Variants in BAZ2B observed in about 807,000 individuals in gnomAD.
BAZ2B encodes the protein bromodomain adjacent to zinc finger domain 2B.
BAZ2B carries 91 observed loss-of-function variants against 246.0 expected under a neutral mutation model. The observed-to-expected ratio is 0.37, with a 90% CI of 0.31 to 0.44. The LOEUF (loss-of-function observed/expected upper bound fraction) is 0.44, where lower values mean the gene tolerates loss of function less well. BAZ2B is among the 20% of genes least tolerant of loss of function. BAZ2B has a pLI of 1.00. For missense variants in BAZ2B, 2,332 were observed against 2,533.7 expected, an observed-to-expected ratio of 0.92 and a Z score of 1.71; for synonymous variants, 855 against 860.0, an observed-to-expected ratio of 0.99 and a Z score of 0.10.
chr2:159,462,924 T>G lies in BAZ2B; in HGVS notation c.146-9123A>C. The G allele has an allele frequency of 2.0e-6, 3 of 1,490,340 alleles. No individual in the cohort carries two copies. In the East Asian group the frequency reaches 6.8e-5, roughly 34 times the overall value. 92.3% of individuals were successfully genotyped at this position (1,490,340 alleles called of 1,614,324 possible). On this transcript the variant is annotated intron_variant, in intron 3 of 36. Transcript: ENST00000392783. Reference sequence around the variant, plus strand: ...AGACTTCAGACCTCCATCTACTTGTTTTGGCTGGGGGTCACTTGCTTTTTT... The same window carrying G: ...AGACTTCAGACCTCCATCTACTTGTGTTGGCTGGGGGTCACTTGCTTTTTT...
At chr2:159,480,768 G>C (rs181135396) in intron 2 of BAZ2B, among the ~76,000 whole-genome samples, 3 of 151,804 alleles carry the variant, frequency 2.0e-5, no homozygotes, top group African/African-American at 7.2e-5. Context: ...TTCTATATCT[G>C]GTTCTTTTTG....
At chr2:159,390,028 C>T (rs13401879) in intron 20 of BAZ2B, among the ~76,000 whole-genome samples, 64,291 of 151,886 alleles carry the variant, frequency 0.42, 13,738 homozygotes, top group South Asian at 0.57. Flanking sequence ...AAATAACTGA[C>T]TTGTCTCTCT....
intron 3 of BAZ2B, chr2:159,462,716 G>T: frequency 7.1e-7 from 1 of 1,405,698 alleles, no homozygotes; most frequent in Non-Finnish European, 1.0e-6. Flanking sequence ...TGGTGTGATG[G>T]TAAACTTCCA....
intron 9 of BAZ2B, among the ~76,000 whole-genome samples, chr2:159,432,078 T>C (rs976661976): frequency 6.6e-6 from 1 of 152,192 alleles, no homozygotes; most frequent in African/African-American, 2.4e-5. Context: ...CCTATTCATA[T>C]TAGCTGCTAA....
chr2:159,620,059 G>T (rs1278995473), upstream of BAZ2B, among the ~76,000 whole-genome samples: 1 of 152,174 alleles, frequency 6.6e-6, no homozygotes, highest in Non-Finnish European at 1.5e-5. Context: ...GGACTAAATT[G>T]TTGCACTTTC....
the BAZ2B span, among the ~76,000 whole-genome samples, chr2:159,697,031 T>C: frequency 6.6e-6 from 1 of 152,154 alleles, no homozygotes; most frequent in African/African-American, 2.4e-5. Context: ...GGTGATTCAC[T>C]TGCCTCAGCC....
Position 159,581,430 on chromosome 2 carries a change from T to C in BAZ2B, c.-45-25565A>G, listed in dbSNP as rs866434828. On this transcript the variant is annotated intron_variant, in intron 1 of 36. Transcript: ENST00000392783. ...TAAAAAGTCAGGAAACAACAGGTGC[T>C]GGAGAGGATGTGGAGAAATAGGAAC... Among the ~76,000 whole-genome samples, 31 of 152,256 alleles carry C rather than the reference T, an allele frequency of 2.0e-4. No individual in the cohort carries two copies. The South Asian group carries it at 6.4e-3, about 32-fold the overall frequency.
At chr2:159,476,803 C>G (rs779746171) in intron 3 of BAZ2B, among the ~76,000 whole-genome samples, 6 of 152,170 alleles carry the variant, frequency 3.9e-5, no homozygotes, top group Non-Finnish European at 7.4e-5. Flanking sequence ...TATAACTACA[C>G]AAGTACAATT....
At chr2:159,385,409 C>G in intron 22 of BAZ2B, 40 bp from the exon 23 acceptor site, 1 of 1,511,248 alleles carries the variant, frequency 6.6e-7, no homozygotes, top group Non-Finnish European at 9.1e-7. Context: ...TACTCACAAC[C>G]ATTTATACCA....
chr2:159,409,576 T>C (rs1239892715), intron 14 of BAZ2B, among the ~76,000 whole-genome samples: 7 of 152,176 alleles, frequency 4.6e-5, no homozygotes, highest in Non-Finnish European at 1.0e-4. Flanking sequence ...TCAAATTAAG[T>C]CTGGTTTTTC....
the BAZ2B span, among the ~76,000 whole-genome samples, chr2:159,658,228 C>T: frequency 0.93 from 142,314 of 152,276 alleles, 66,632 homozygotes; most frequent in African/African-American, 0.97. Flanking sequence ...ATTTCATTAA[C>T]TGATCTTTGC....
At chr2:159,712,069 G>C in the BAZ2B span, 2 of 140,272 alleles carry the variant, frequency 1.4e-5, no homozygotes, top group Non-Finnish European at 3.0e-5. Context: ...CATTCACTGC[G>C]CCACTTACCA....
At chr2:159,568,453 G>C (rs932340828) in intron 1 of BAZ2B, among the ~76,000 whole-genome samples, 1 of 151,830 alleles carries the variant, frequency 6.6e-6, no homozygotes, top group African/African-American at 2.4e-5. Flanking sequence ...ATCAACTGCT[G>C]AAAATGATTA....
intron 2 of BAZ2B, among the ~76,000 whole-genome samples, chr2:159,488,325 G>T (rs972692574): frequency 6.6e-6 from 1 of 151,950 alleles, no homozygotes; most frequent in Non-Finnish European, 1.5e-5. Flanking sequence ...CACCCGCCTC[G>T]GCCTCCCAAA....
chr2:159,522,863 T>C (rs935857635), intron 2 of BAZ2B, among the ~76,000 whole-genome samples: 2 of 151,812 alleles, frequency 1.3e-5, no homozygotes, highest in Non-Finnish European at 2.9e-5. Context: ...CTTTTACTAG[T>C]ACAAAAAAAA....
chr2:159,475,151 C>A (rs530903713), intron 3 of BAZ2B, among the ~76,000 whole-genome samples: 5 of 152,264 alleles, frequency 3.3e-5, no homozygotes, highest in African/African-American at 1.2e-4. Context: ...AGAGTGTTTT[C>A]CAACTTGGTT....
At chr2:159,573,638 G>A (rs1430439310) in intron 1 of BAZ2B, among the ~76,000 whole-genome samples, 1 of 152,122 alleles carries the variant, frequency 6.6e-6, no homozygotes, top group African/African-American at 2.4e-5. Context: ...AAAAGCACAA[G>A]CAATCAAAGG....
At chr2:159,591,056 G>C (rs981649117) in intron 1 of BAZ2B, among the ~76,000 whole-genome samples, 4 of 152,136 alleles carry the variant, frequency 2.6e-5, no homozygotes, top group African/African-American at 9.7e-5. Context: ...TAGTATCTGT[G>C]AAAACATTTT....
intron 2 of BAZ2B, among the ~76,000 whole-genome samples, chr2:159,531,313 T>TA (rs2085354065): frequency 1.3e-5 from 2 of 152,092 alleles, no homozygotes; most frequent in Admixed American, 1.3e-4. Flanking sequence ...TCTGTGATTC[T>TA]AAAAAAAATT....
Sources: allele counts gnomAD v4.1 joint callset (sites outside exome capture counted in the v4.1 genomes callset), GRCh38; gene constraint gnomAD v4.1.1; transcripts MANE v1.5; gene names NCBI Gene and HGNC (gene_info 2026-07-23, HGNC 2026-07-21).